GNL3L: variants seen among roughly 807,000 people sequenced by gnomAD.
GNL3L encodes G protein nucleolar 3 like.
In GNL3L, 4 loss-of-function variants were observed where a neutral mutation model predicts 42.9. The observed-to-expected ratio is 0.09, with a 90% CI of 0.05 to 0.21. The LOEUF (loss-of-function observed/expected upper bound fraction) is 0.21. Ranked by LOEUF, GNL3L falls within the 10% of genes least tolerant of loss-of-function variation. The pLI, the probability that GNL3L is intolerant of heterozygous loss-of-function variation, is 1.00. For missense variants in GNL3L, 412 were observed against 481.7 expected (o/e 0.86, Z 1.36); for synonymous variants, 159 against 176.3 (o/e 0.90, Z 0.78).
At position 54,543,000 on chromosome X, in the gene GNL3L, G is replaced by A. The variant is rs960377711; in HGVS notation, c.352G>A (p.Glu118Lys). Residue 118 changes from glutamate (E) to lysine (K), a missense_variant, in exon 6 of 16, where the codon GAG becomes AAG. Coordinates refer to ENST00000360845, the MANE Select transcript of GNL3L (RefSeq NM_001184819.2). ...AAATATGTTTCCTCAGCTGGATGAC[G>A]AGGCCACGAGGAAGGCTTATTACAA... Reference protein sequence around the residue: ...ELNMFPQLDDEATRKAYYKEF... With the variant: ...ELNMFPQLDDKATRKAYYKEF... 8 of 1,188,399 alleles carry A rather than the reference G, an allele frequency of 6.7e-6. No homozygotes were observed. Among genetic ancestry groups the A allele is most frequent in the South Asian group, 3.6e-5 (2 of 56,267 alleles).
chrX:54,569,541 C>T (rs1925514971), downstream of GNL3L, among the ~76,000 whole-genome samples: 1 of 111,750 alleles, frequency 8.9e-6, no homozygotes, highest in Admixed American at 9.5e-5. Context: ...TAAGAAAATG[C>T]AAAGTAGTTA....
At chrX:54,593,595 A>G (rs1307181940) in intron 16 of GNL3L, among the ~76,000 whole-genome samples, 1 of 108,106 alleles carries the variant, frequency 9.3e-6, no homozygotes, top group Non-Finnish European at 1.9e-5. Flanking sequence ...TTCATTTCAT[A>G]TTTATTTATT....
At chrX:54,621,452 C>T (rs1926285518) in exon 17 of GNL3L, among the ~76,000 whole-genome samples, 1 of 112,010 alleles carries the variant, frequency 8.9e-6, no homozygotes, top group Admixed American at 9.5e-5. Flanking sequence ...CCCAAGCTGA[C>T]ATCTAACTAC....
intron 16 of GNL3L, among the ~76,000 whole-genome samples, chrX:54,603,357 T>C (rs1926024546): frequency 9.0e-6 from 1 of 111,604 alleles, no homozygotes; most frequent in Admixed American, 9.5e-5. Context: ...AATTAGAAAA[T>C]ATTTATTTTG....
At chrX:54,589,171 C>T (rs1925832506) in intron 16 of GNL3L, among the ~76,000 whole-genome samples, 2 of 111,121 alleles carry the variant, frequency 1.8e-5, no homozygotes, top group Admixed American at 9.6e-5. Flanking sequence ...ACAAACAATC[C>T]AATTACACTC....
intron 16 of GNL3L, among the ~76,000 whole-genome samples, chrX:54,609,542 G>T (rs1162940137): frequency 8.9e-6 from 1 of 112,285 alleles, no homozygotes; most frequent in East Asian, 2.8e-4. Flanking sequence ...GAGAGATGAG[G>T]ATCCAGTTTC....
chrX:54,535,669 A>G (rs887536421), intron 2 of GNL3L, among the ~76,000 whole-genome samples: 2 of 111,986 alleles, frequency 1.8e-5, no homozygotes, highest in Non-Finnish European at 3.8e-5. Context: ...TGCTTTTCCA[A>G]CCCCCATTAC....
At chrX:54,595,543 C>CTA (rs1925921464) in intron 16 of GNL3L, among the ~76,000 whole-genome samples, 1 of 111,404 alleles carries the variant, frequency 9.0e-6, no homozygotes, top group Admixed American at 9.5e-5. Context: ...GCATGGCGTT[C>CTA]TATTCCCTTC....
chrX:54,544,042 C>T (rs1345009381), intron 7 of GNL3L, 181 bp from the exon 8 acceptor site: 11 of 401,679 alleles, frequency 2.7e-5, no homozygotes, highest in Admixed American at 9.1e-5. Flanking sequence ...TAACGCATCC[C>T]GTAGACCAGA....
At chrX:54,540,789 C>G (rs1601978107) in intron 4 of GNL3L, among the ~76,000 whole-genome samples, 1 of 111,205 alleles carries the variant, frequency 9.0e-6, no homozygotes, top group African/African-American at 3.3e-5. Flanking sequence ...TCCTGAGTAG[C>G]TGGGATTACA....
intron 16 of GNL3L, among the ~76,000 whole-genome samples, chrX:54,616,296 C>A (rs1004977385): frequency 8.9e-6 from 1 of 112,682 alleles, no homozygotes; most frequent in Non-Finnish European, 1.9e-5. Context: ...AAGGAAAAAC[C>A]AATTTTTTTT....
At chrX:54,571,473 A>G (rs1286494485), downstream of GNL3L, among the ~76,000 whole-genome samples, 1 of 105,441 alleles carries the variant, frequency 9.5e-6, no homozygotes, top group African/African-American at 3.5e-5. Flanking sequence ...TGCTGGGATT[A>G]CAGGTGTGAG....
the GNL3L span, among the ~76,000 whole-genome samples, chrX:54,638,217 T>C: frequency 9.0e-6 from 1 of 111,244 alleles, no homozygotes; most frequent in Admixed American, 9.6e-5. Context: ...TCTGATCACA[T>C]GAGGCCACAA....
rs185413192 is a variant in GNL3L at position 54,560,510 on chromosome X, C to T, written c.1667-10C>T. ...CCACCAAAAGATTGCCTGTATTTCT[C>T]CATTTGCAGATAAAATCGCCAGCAA... On this transcript the variant is annotated splice_polypyrimidine_tract_variant and intron_variant, in intron 15 of 15. Coordinates refer to ENST00000360845, the MANE Select transcript of GNL3L (RefSeq NM_001184819.2). 148 of 1,104,618 alleles carry T rather than the reference C, an allele frequency of 1.3e-4. No individual in the cohort carries two copies. In the Admixed American group the frequency reaches 3.1e-3, roughly 23 times the overall value. 91.0% of individuals were successfully genotyped at this position (1,104,618 alleles called of 1,213,427 possible). A position where few individuals can be genotyped will look rare whatever the true frequency, so the allele number is the denominator to read the frequency against.
At chrX:54,554,725 T>C in intron 14 of GNL3L, 33 bp downstream of exon 14, 1 of 1,183,601 alleles carries the variant, frequency 8.4e-7, no homozygotes, top group South Asian at 1.8e-5. Flanking sequence ...GCAACCCTCT[T>C]CTCTCCCCAG....
At chrX:54,552,219 AC>A in intron 12 of GNL3L, 72 bp from the exon 13 acceptor site, 1 of 1,082,670 alleles carries the variant, frequency 9.2e-7, no homozygotes. Flanking sequence ...TGGCCTGCAA[AC>A]TCATCGTCTC....
At chrX:54,543,977 A>G in intron 7 of GNL3L, 2 of 311,381 alleles carry the variant, frequency 6.4e-6, no homozygotes, top group South Asian at 8.0e-5. Context: ...ATTTGGGACC[A>G]GATAGCTAGT....
chrX:54,570,954 T>G (rs1378838919), downstream of GNL3L, among the ~76,000 whole-genome samples: 2 of 111,806 alleles, frequency 1.8e-5, no homozygotes, highest in Non-Finnish European at 1.9e-5. Context: ...GCTCCAGACT[T>G]CTATAAGGTA....
chrX:54,575,409 A>G (rs2147511273), intron 16 of GNL3L, among the ~76,000 whole-genome samples: 1 of 107,438 alleles, frequency 9.3e-6, no homozygotes, highest in African/African-American at 3.7e-5. Context: ...TTTTGGATGA[A>G]TGCACCTTCT....
Sources: gnomAD v4.1 joint callset for allele counts (sites outside exome capture counted in the v4.1 genomes callset) on GRCh38, gnomAD v4.1.1 for gene constraint, MANE v1.5 for transcripts, NCBI Gene and HGNC (gene_info 2026-07-23, HGNC 2026-07-21) for gene names.